The following UBXN8 variants were observed in gnomAD, a reference collection of about 807,000 sequenced individuals.
UBXN8 encodes UBX domain-containing protein 8.
In UBXN8, 27 loss-of-function variants were observed where a neutral mutation model predicts 32.1. That is an observed-to-expected ratio of 0.84 (90% CI 0.62 to 1.16). UBXN8 has a LOEUF of 1.16. Ranked by LOEUF, UBXN8 falls within the 50% of genes most tolerant of loss-of-function variation. The pLI, the probability that UBXN8 is intolerant of heterozygous loss-of-function variation, is 0.00. For synonymous variants in UBXN8, 109 were observed against 111.8 expected (o/e 0.98, Z 0.16); for missense variants, 306 against 311.4 (o/e 0.98, Z 0.13).
chr8:30,766,704 AC>A lies in UBXN8; in HGVS notation c.*311del. 1 of 163,352 alleles carries A rather than the reference AC, an allele frequency of 6.1e-6. No individual in the cohort carries two copies. The highest frequency in any genetic ancestry group is 1.9e-4 in the South Asian group (1 of 5,210). 10.1% of individuals were successfully genotyped at this position (163,352 alleles called of 1,614,324 possible). A position where few individuals can be genotyped will look rare whatever the true frequency, so the allele number is the denominator to read the frequency against. The stretch of plus-strand genomic sequence containing the variant: ...CAGTGTTAGAAAACAAACCCTTAGA[AC>A]TTTCCTTTCTGCCTCTTCAATCCAT... On this transcript the variant is annotated 3_prime_UTR_variant, in exon 8 of 8. Coordinates refer to ENST00000265616, the MANE Select transcript of UBXN8 (RefSeq NM_005671.4).
At position 30,766,754 on chromosome 8, in the gene UBXN8, T is replaced by C. The variant is rs1563568593; in HGVS notation, c.*360T>C. 6.5e-6 allele frequency: 1 copy of C among 154,944 alleles called. No individual in the cohort carries two copies. Among genetic ancestry groups the C allele is most frequent in the East Asian group, 1.9e-4 (1 of 5,288 alleles). The allele number at this position is 154,944 out of a possible 1,614,324, so 9.6% of individuals were successfully genotyped here. On this transcript the variant is annotated 3_prime_UTR_variant, in exon 8 of 8. Coordinates refer to ENST00000265616, the MANE Select transcript of UBXN8 (RefSeq NM_005671.4). ...ATCTTACCACACAATATTTCATGATTCAAATTCTTCAAAGTCTTATACGCA... is the reference window on the plus strand; with the variant it reads ...ATCTTACCACACAATATTTCATGATCCAAATTCTTCAAAGTCTTATACGCA...
intron 5 of UBXN8, 82 bp from the exon 6 acceptor site, chr8:30,760,806 T>G: frequency 1.2e-6 from 1 of 831,364 alleles, no homozygotes; most frequent in Non-Finnish European, 1.9e-6. Context: ...GTGTCTAAAC[T>G]CTGTATTGAG....
chr8:30,762,463 G>A (rs574184493), intron 6 of UBXN8, among the ~76,000 whole-genome samples: 6 of 152,152 alleles, frequency 3.9e-5, no homozygotes, highest in Non-Finnish European at 5.9e-5. Context: ...GCACAATCTC[G>A]GCTCTCTGAA....
upstream of UBXN8, among the ~76,000 whole-genome samples, chr8:30,741,712 A>T (rs1805205285): frequency 6.6e-6 from 1 of 151,998 alleles, no homozygotes; most frequent in South Asian, 2.1e-4. Flanking sequence ...GGCTTCCCAA[A>T]GTGCTGGGAT....
At chr8:30,761,725 A>AT (rs1195640765) in intron 6 of UBXN8, among the ~76,000 whole-genome samples, 1 of 152,102 alleles carries the variant, frequency 6.6e-6, no homozygotes. Flanking sequence ...GGAAAAAAAA[A>AT]AGGAAAAAAA....
At chr8:30,733,975 AG>A (rs1266413359) in intron 1 of UBXN8, 11 of 152,270 alleles carry the variant, frequency 7.2e-5, no homozygotes, top group African/African-American at 2.7e-4. Flanking sequence ...CCCAAGCTGT[AG>A]AGACTGGGTC....
chr8:30,736,984 C>T (rs1460450263), intron 1 of UBXN8, among the ~76,000 whole-genome samples: 1 of 152,016 alleles, frequency 6.6e-6, no homozygotes, highest in Non-Finnish European at 1.5e-5. Context: ...TTATCATTTC[C>T]TTCATTTATC....
chr8:30,766,269 CTA>C lies in UBXN8; in HGVS notation c.691_692del (p.Tyr231GlnfsTer56), dbSNP rs775896172. The C allele has an allele frequency of 6.2e-7, 1 of 1,613,760 alleles. No homozygotes were observed. The highest frequency in any genetic ancestry group is 2.2e-5 in the East Asian group (1 of 44,874). ...WMTRIGYHIS[L>X]YSLSTSFPRR... is the part of the protein sequence containing the mutation. ...GACGAGAATTGGGTACCACATATCT[CTA>C]TACAGCCTTTCTACTTCCTTTCCCA... On this transcript the variant is annotated frameshift_variant, in exon 8 of 8. Transcript: ENST00000265616. LOFTEE classifies it high-confidence loss of function.
intron 1 of UBXN8, chr8:30,744,527 C>A (rs763984891): frequency 1.9e-6 from 1 of 525,946 alleles, no homozygotes; most frequent in South Asian, 3.0e-5. Flanking sequence ...ACAGTGCTTT[C>A]GCATCCTGGC....
At chr8:30,763,236 A>G (rs1234073084) in intron 6 of UBXN8, 37 bp from the exon 7 acceptor site, 2 of 1,598,380 alleles carry the variant, frequency 1.3e-6, no homozygotes, top group African/African-American at 1.3e-5. Flanking sequence ...GCAAAGAGCA[A>G]TGGATCGGAG....
chr8:30,741,395 T>A (rs1805194628), upstream of UBXN8, among the ~76,000 whole-genome samples: 1 of 148,080 alleles, frequency 6.8e-6, no homozygotes, highest in African/African-American at 2.5e-5. Flanking sequence ...CATAAACAAA[T>A]AAAAATCACC....
intron 5 of UBXN8, 21 bp downstream of exon 5, chr8:30,756,908 C>T (rs1291140669): frequency 6.2e-7 from 1 of 1,613,254 alleles, no homozygotes; most frequent in Non-Finnish European, 8.5e-7. Flanking sequence ...TCATGCCTCT[C>T]ATTGAATTGT....
chr8:30,749,608 CT>C (rs35549734), intron 1 of UBXN8, among the ~76,000 whole-genome samples: 104,198 of 115,030 alleles, frequency 0.91, 47,011 homozygotes, highest in East Asian at 0.97. Context: ...TTCTTTTTTT[CT>C]TTTTTTTTTT....
chr8:30,747,894 C>CTTTTTTTTTTTTTTTTTTTTT (rs67334347), intron 1 of UBXN8, among the ~76,000 whole-genome samples: 27 of 35,636 alleles, frequency 7.6e-4, no homozygotes, highest in East Asian at 2.4e-3. Flanking sequence ...TATATTTTTT[C>CTTTTTTTTTTTTTTTTTTTTT]TTTTTTTTTT....
At chr8:30,748,508 T>G (rs16877343) in intron 1 of UBXN8, among the ~76,000 whole-genome samples, 5,214 of 151,946 alleles carry the variant, frequency 0.034, 269 homozygotes, top group African/African-American at 0.12. Context: ...CTATCTGTTT[T>G]CAGTTTAAAA....
In UBXN8 at chr8:30,758,872, G is replaced by GT. The variant is rs1359905813; in HGVS notation, c.528+1993dup. Among the ~76,000 whole-genome samples, 206 of 100,370 alleles carry GT rather than the reference G, an allele frequency of 2.1e-3. 4 individuals carry two copies. Among genetic ancestry groups the GT allele is most frequent in the Middle Eastern group, 5.4e-3 (1 of 184 alleles). 65.8% of individuals were successfully genotyped at this position (100,370 alleles called of 152,430 possible). ...GGAGATGAAGTCATTGGTAACAAAT[G>GT]TTTTTTTTGTTTGTTTTTTTTGTTT... On this transcript the variant is annotated intron_variant, in intron 5 of 7. Transcript: ENST00000265616.
upstream of UBXN8, chr8:30,732,306 C>G (rs993768943): frequency 5.5e-5 from 22 of 398,208 alleles, no homozygotes; most frequent in Admixed American, 1.8e-4. Context: ...ATGCTCTACT[C>G]CGGCACCTGG....
Position 30,744,514 on chromosome 8 carries a change from T to C in UBXN8, c.88+237T>C, listed in dbSNP as rs567803461. The C allele has an allele frequency of 1.2e-4, 66 of 553,368 alleles. 1 individual carries two copies. Among genetic ancestry groups the C allele is most frequent in the South Asian group, 6.4e-4 (25 of 39,086 alleles). 34.3% of individuals were successfully genotyped at this position (553,368 alleles called of 1,614,324 possible). ...GAGGCAAAGAGCACAGGGGCAATCATAGACAGTGCTTTCGCATCCTGGCGA... is the reference window on the plus strand; with the variant it reads ...GAGGCAAAGAGCACAGGGGCAATCACAGACAGTGCTTTCGCATCCTGGCGA... On this transcript the variant is annotated intron_variant, in intron 1 of 7. Coordinates refer to ENST00000265616, the MANE Select transcript of UBXN8 (RefSeq NM_005671.4).
chr8:30,741,078 C>T (rs1470432969), upstream of UBXN8, among the ~76,000 whole-genome samples: 4 of 152,150 alleles, frequency 2.6e-5, no homozygotes, highest in Non-Finnish European at 5.9e-5. Context: ...AGTGAAATCT[C>T]CATATTGAAA....
Sources: allele counts gnomAD v4.1 joint callset (sites outside exome capture counted in the v4.1 genomes callset), GRCh38; gene constraint gnomAD v4.1.1; transcripts MANE v1.5; gene names NCBI Gene and HGNC (gene_info 2026-07-23, HGNC 2026-07-21).